The following NELL2 variants were observed in gnomAD, a reference collection of about 807,000 sequenced individuals.
The protein encoded by NELL2 is neural EGFL like 2.
NELL2 carries 41 observed loss-of-function variants against 109.6 expected under a neutral mutation model. The ratio of observed to expected loss-of-function variants is 0.37; its 90% CI spans 0.29 to 0.49. The LOEUF (loss-of-function observed/expected upper bound fraction) is 0.49, where lower values mean the gene tolerates loss of function less well. Ranked by LOEUF, NELL2 falls within the 20% of genes least tolerant of loss-of-function variation. The pLI, the probability that NELL2 is intolerant of heterozygous loss-of-function variation, is 0.98. For missense variants in NELL2, 900 were observed against 1,008.3 expected (o/e 0.89, Z 1.45); for synonymous variants, 355 against 344.7 (o/e 1.03, Z -0.33).
At chr12:44,593,050 C>T (rs190091130) in intron 15 of NELL2, among the ~76,000 whole-genome samples, 88 of 152,248 alleles carry the variant, frequency 5.8e-4, no homozygotes, top group African/African-American at 1.9e-3. Flanking sequence ...GGAGATGAGT[C>T]TGTCAGGCAT....
chr12:44,881,934 T>G (rs1310222503), intron 1 of NELL2: 1 of 151,984 alleles, frequency 6.6e-6, no homozygotes, highest in Non-Finnish European at 1.5e-5. Flanking sequence ...AACAACAGTT[T>G]GAATGAATGC....
chr12:44,845,246 T>C (rs1214805952), intron 2 of NELL2, among the ~76,000 whole-genome samples: 2 of 152,198 alleles, frequency 1.3e-5, no homozygotes, highest in Non-Finnish European at 2.9e-5. Flanking sequence ...AATGAGCATA[T>C]GTATAAAAAG....
intron 15 of NELL2, among the ~76,000 whole-genome samples, chr12:44,544,135 T>C (rs549734238): frequency 2.0e-5 from 3 of 152,044 alleles, no homozygotes; most frequent in African/African-American, 7.2e-5. Flanking sequence ...CGATGCGAAA[T>C]GAAGGTGGAA....
chr12:44,757,704 T>C (rs571306758), intron 9 of NELL2, among the ~76,000 whole-genome samples: 3 of 152,312 alleles, frequency 2.0e-5, no homozygotes, highest in South Asian at 4.1e-4. Context: ...AAATTCTGCA[T>C]ATTTTGTACA....
chr12:44,846,812 A>G (rs1944384491), intron 2 of NELL2, among the ~76,000 whole-genome samples: 1 of 152,168 alleles, frequency 6.6e-6, no homozygotes, highest in Admixed American at 6.5e-5. Flanking sequence ...TTCAATTTCC[A>G]TTTGAGCTCT....
chr12:44,713,211 CACACAG>C (rs1322399579), intron 10 of NELL2, among the ~76,000 whole-genome samples: 13 of 100,738 alleles, frequency 1.3e-4, no homozygotes, highest in Admixed American at 7.6e-4. Flanking sequence ...CACACACACA[CACACAG>C]AGAGAGACAG....
intron 15 of NELL2, among the ~76,000 whole-genome samples, chr12:44,550,867 G>C (rs1387939472): frequency 1.3e-5 from 2 of 152,116 alleles, no homozygotes; most frequent in Non-Finnish European, 2.9e-5. Context: ...TGAGGTTAAG[G>C]GGAAAGGGGA....
At chr12:44,780,220 G>A (rs941225502) in intron 3 of NELL2, among the ~76,000 whole-genome samples, 198 bp from the exon 4 acceptor site, 6 of 152,030 alleles carry the variant, frequency 3.9e-5, no homozygotes, top group African/African-American at 1.4e-4. Flanking sequence ...GGAACAATAT[G>A]GTAGTGAGTT....
chr12:44,699,408 T>C (rs1439678548), intron 12 of NELL2, among the ~76,000 whole-genome samples: 3 of 152,012 alleles, frequency 2.0e-5, no homozygotes, highest in African/African-American at 7.2e-5. Flanking sequence ...ATATCTGAGG[T>C]GTTGCAAAAC....
At chr12:44,523,792 A>G (rs1941644675) in intron 16 of NELL2, among the ~76,000 whole-genome samples, 1 of 152,208 alleles carries the variant, frequency 6.6e-6, no homozygotes. Flanking sequence ...ATATGACTCA[A>G]TTTACCAAAC....
intron 15 of NELL2, among the ~76,000 whole-genome samples, chr12:44,536,376 C>T (rs559088021): frequency 6.6e-6 from 1 of 152,104 alleles, no homozygotes; most frequent in African/African-American, 2.4e-5. Flanking sequence ...TTGTGTTTCA[C>T]ATATTTTGTA....
In NELL2 at chr12:44,528,097, CAAAAAAAAAAAAAAAAA is replaced by C. The variant is rs71093812; in HGVS notation, c.1804+4467_1804+4483del. On this transcript the variant is annotated intron_variant, in intron 16 of 19. Coordinates refer to ENST00000429094, the MANE Select transcript of NELL2 (RefSeq NM_001145108.2). ...TGGGCGACAGAGCGAGACTCCGTCT[CAAAAAAAAAAAAAAAAA>C]AAAAAAAAAAAAAGAATCCTTCAGA... 2.9e-3 allele frequency among the ~76,000 whole-genome samples: 63 copies of C among 22,002 alleles called. 3 individuals are homozygous for C. Among genetic ancestry groups the C allele is most frequent in the African/African-American group, 9.7e-3 (59 of 6,106 alleles). 14.4% of individuals were successfully genotyped at this position (22,002 alleles called of 152,430 possible).
At chr12:44,913,739 AG>A (rs1330992298) in intron 1 of NELL2, 7 of 656,938 alleles carry the variant, frequency 1.1e-5, no homozygotes, top group Non-Finnish European at 1.8e-5. Context: ...CCCTCCTTAA[AG>A]AATTTTTAAA....
chr12:44,921,041 C>A (rs1945864541), intron 1 of NELL2, among the ~76,000 whole-genome samples: 1 of 152,120 alleles, frequency 6.6e-6, no homozygotes, highest in African/African-American at 2.4e-5. Flanking sequence ...AATCTACGTA[C>A]ACACTTTTAT....
intron 13 of NELL2, among the ~76,000 whole-genome samples, chr12:44,659,784 T>TC (rs1947672104): frequency 6.6e-6 from 1 of 152,204 alleles, no homozygotes. Context: ...CCCTTTTTTT[T>TC]CAACAACAAA....
intron 2 of NELL2, among the ~76,000 whole-genome samples, chr12:44,830,096 A>G (rs1943840659): frequency 6.6e-6 from 1 of 152,230 alleles, no homozygotes; most frequent in African/African-American, 2.4e-5. Flanking sequence ...GATTTCTATT[A>G]TATATCCTTA....
intron 2 of NELL2, among the ~76,000 whole-genome samples, chr12:44,867,105 G>A (rs938357995): frequency 1.3e-5 from 2 of 152,106 alleles, no homozygotes; most frequent in African/African-American, 4.8e-5. Context: ...AAAAAATGAA[G>A]AAGAGGGAAT....
chr12:44,584,701 C>T (rs1336881117), intron 15 of NELL2, among the ~76,000 whole-genome samples: 1 of 152,184 alleles, frequency 6.6e-6, no homozygotes, highest in East Asian at 1.9e-4. Context: ...TATTTTTCCT[C>T]TGCCTTACTG....
intron 12 of NELL2, among the ~76,000 whole-genome samples, chr12:44,687,948 C>A (rs1948779417): frequency 1.3e-5 from 2 of 152,058 alleles, no homozygotes; most frequent in Non-Finnish European, 2.9e-5. Flanking sequence ...ACATAAGATA[C>A]CTGCAACTAA....
Sources: gnomAD v4.1 joint callset for allele counts (sites outside exome capture counted in the v4.1 genomes callset) on GRCh38, gnomAD v4.1.1 for gene constraint, MANE v1.5 for transcripts, NCBI Gene and HGNC (gene_info 2026-07-23, HGNC 2026-07-21) for gene names.